The following ESRRG variants were observed in gnomAD, a reference collection of about 807,000 sequenced individuals.
The protein encoded by ESRRG is estrogen related receptor gamma.
ESRRG carries 13 observed loss-of-function variants against 44.0 expected under a neutral mutation model. The observed-to-expected ratio is 0.30, with a 90% CI of 0.19 to 0.47. ESRRG has a LOEUF of 0.47. ESRRG is among the 20% of genes least tolerant of loss of function. The pLI is 1.00. For synonymous variants in ESRRG, 215 were observed against 214.6 expected (o/e 1.00, Z -0.02); for missense variants, 395 against 580.6 (o/e 0.68, Z 3.29).
intron 2 of ESRRG, among the ~76,000 whole-genome samples, chr1:216,820,663 T>C (rs746008975): frequency 6.6e-6 from 1 of 152,360 alleles, no homozygotes; most frequent in Admixed American, 6.5e-5. Flanking sequence ...TTGCTGAGTA[T>C]ATCCAGCCTT....
chr1:216,668,854 A>G (rs2074543186), intron 2 of ESRRG, among the ~76,000 whole-genome samples: 1 of 152,248 alleles, frequency 6.6e-6, no homozygotes, highest in Non-Finnish European at 1.5e-5. Context: ...TGAAAAGGGA[A>G]ATAATAGACT....
chr1:216,596,348 G>C (rs1397259924), intron 3 of ESRRG, among the ~76,000 whole-genome samples: 2 of 152,120 alleles, frequency 1.3e-5, no homozygotes, highest in African/African-American at 4.8e-5. Context: ...AAACAAAAAG[G>C]GCCACTGCCC....
chr1:216,564,354 C>T lies in ESRRG; in HGVS notation c.727G>A (p.Val243Met). ...PYNKIVSHLL[V>M]AEPEKIYAMP... ...GCATAGATCTTCTCCGGTTCAGCCA[C>T]CAACAAATGTGAGACAATCTTGTTA... Residue 243 changes from valine (V) to methionine (M), a missense_variant, in exon 5 of 7, where the codon GTG (valine) becomes ATG (methionine). Around this residue, in one of 5 missense-constraint regions of ESRRG, gnomAD observed 167 missense variants for 251.8 expected, o/e 0.66. Transcript: ENST00000408911. 3.1e-6 allele frequency: 5 copies of T among 1,610,306 alleles called. No individual in the cohort carries two copies. Among genetic ancestry groups the T allele is most frequent in the Non-Finnish European group, 4.2e-6 (5 of 1,178,076 alleles).
chr1:216,867,486 G>T (rs2096185887), intron 2 of ESRRG, among the ~76,000 whole-genome samples: 2 of 152,138 alleles, frequency 1.3e-5, no homozygotes, highest in South Asian at 4.2e-4. Context: ...TTGCGTAGGG[G>T]ATATTTAACT....
chr1:216,636,921 T>C (rs1488721776), intron 3 of ESRRG, among the ~76,000 whole-genome samples: 1 of 152,212 alleles, frequency 6.6e-6, no homozygotes, highest in Admixed American at 6.5e-5. Flanking sequence ...TTGAATTGAA[T>C]TTCTGTTCCT....
At chr1:216,723,546 C>T, upstream of ESRRG, 1 of 513,122 alleles carries the variant, frequency 1.9e-6, no homozygotes, top group Non-Finnish European at 3.5e-6. Context: ...GGCCTCTGCC[C>T]AATCAGGAGG....
At chr1:217,044,246 C>T (rs867633183) in intron 1 of ESRRG, among the ~76,000 whole-genome samples, 4 of 152,076 alleles carry the variant, frequency 2.6e-5, no homozygotes, top group African/African-American at 9.7e-5. Flanking sequence ...AAGTCCTTGC[C>T]CAGATTGGCC....
intron 3 of ESRRG, among the ~76,000 whole-genome samples, chr1:216,649,802 T>G (rs905387878): frequency 6.6e-6 from 1 of 152,134 alleles, no homozygotes; most frequent in Non-Finnish European, 1.5e-5. Flanking sequence ...TCCACTCATC[T>G]TCCTATAATA....
chr1:216,607,046 A>G (rs2060028111), intron 3 of ESRRG, among the ~76,000 whole-genome samples: 1 of 152,228 alleles, frequency 6.6e-6, no homozygotes, highest in Non-Finnish European at 1.5e-5. Flanking sequence ...CTCTTGTTAT[A>G]TAATAGCAAT....
chr1:217,058,977 TA>T (rs2087766872), intron 1 of ESRRG, among the ~76,000 whole-genome samples: 1 of 147,904 alleles, frequency 6.8e-6, no homozygotes, highest in South Asian at 2.1e-4. Context: ...TATAAAATAA[TA>T]AAAATTATAA....
chr1:216,751,661 A>C (rs150165975), intron 2 of ESRRG, among the ~76,000 whole-genome samples: 49 of 152,212 alleles, frequency 3.2e-4, no homozygotes, highest in African/African-American at 1.2e-3. Flanking sequence ...GATGGCTAGA[A>C]TAGTTCCTGT....
intron 2 of ESRRG, among the ~76,000 whole-genome samples, chr1:216,821,531 A>G (rs559345248): frequency 6.6e-6 from 1 of 151,586 alleles, no homozygotes; most frequent in South Asian, 2.1e-4. Flanking sequence ...ATAAAAATGT[A>G]TAAATTAGCC....
chr1:217,059,613 A>C (rs1215599497), intron 1 of ESRRG, among the ~76,000 whole-genome samples: 2 of 152,086 alleles, frequency 1.3e-5, no homozygotes, highest in African/African-American at 4.8e-5. Context: ...CTGCTGGCTA[A>C]CGTGGAACTG....
chr1:216,858,267 C>T (rs542976713), intron 2 of ESRRG, among the ~76,000 whole-genome samples: 29 of 150,936 alleles, frequency 1.9e-4, no homozygotes, highest in Admixed American at 1.1e-3. Context: ...GAAACCCTGT[C>T]TCTACTAAAA....
chr1:216,975,490 C>T (rs1305908059), intron 1 of ESRRG, among the ~76,000 whole-genome samples: 2 of 152,212 alleles, frequency 1.3e-5, no homozygotes, highest in Non-Finnish European at 2.9e-5. Context: ...TGCAGTTGCC[C>T]TGCCAATTTG....
At chr1:217,065,135 A>G (rs561864775) in intron 1 of ESRRG, among the ~76,000 whole-genome samples, 3 of 152,228 alleles carry the variant, frequency 2.0e-5, no homozygotes, top group African/African-American at 7.2e-5. Flanking sequence ...GATATCCATT[A>G]ATGCCCCATA....
chr1:216,731,155 G>A (rs978513139), intron 2 of ESRRG, among the ~76,000 whole-genome samples: 2 of 152,126 alleles, frequency 1.3e-5, no homozygotes, highest in African/African-American at 4.8e-5. Flanking sequence ...ATATTTTTAA[G>A]TGTTCAAAAA....
At chr1:216,922,513 G>C (rs1313744376) in intron 2 of ESRRG, among the ~76,000 whole-genome samples, 1 of 152,206 alleles carries the variant, frequency 6.6e-6, no homozygotes, top group African/African-American at 2.4e-5. Context: ...AGGATATAGT[G>C]CTGGTTGCCT....
intron 2 of ESRRG, among the ~76,000 whole-genome samples, chr1:216,902,981 T>G (rs374776459): frequency 6.6e-6 from 1 of 152,222 alleles, no homozygotes; most frequent in South Asian, 2.1e-4. Flanking sequence ...CAAGCATTTA[T>G]GAATGGCCTT....
Sources: allele counts gnomAD v4.1 joint callset (sites outside exome capture counted in the v4.1 genomes callset), GRCh38; gene constraint gnomAD v4.1.1; regional missense constraint gnomAD v4.1.1; transcripts MANE v1.5; gene names NCBI Gene and HGNC (gene_info 2026-07-23, HGNC 2026-07-21).